GABRB1: variants seen among roughly 807,000 people sequenced by gnomAD.
The protein encoded by GABRB1 is gamma-aminobutyric acid type A receptor subunit beta1.
A neutral mutation model predicts 51.6 loss-of-function variants in GABRB1; 17 were observed. The observed-to-expected ratio is 0.33, with a 90% confidence interval of 0.23 to 0.49. The LOEUF is 0.49. Among genes scored for constraint, GABRB1 ranks in the 20% least tolerant of loss-of-function variants. The pLI, the probability that GABRB1 is intolerant of heterozygous loss-of-function variation, is 0.99. For missense variants in GABRB1, 410 were observed against 600.6 expected (o/e 0.68, Z 3.32); for synonymous variants, 247 against 218.9 (o/e 1.13, Z -1.14).
At chr4:47,417,278 T>G (rs575987182) in intron 8 of GABRB1, among the ~76,000 whole-genome samples, 1 of 151,910 alleles carries the variant, frequency 6.6e-6, no homozygotes, top group African/African-American at 2.4e-5. Flanking sequence ...TTGTTTTTTG[T>G]TTTTTTCCTT....
At chr4:47,032,707 A>AT in intron 3 of GABRB1, 2 of 709,224 alleles carry the variant, frequency 2.8e-6, no homozygotes, top group Non-Finnish European at 2.6e-6. Context: ...GCTCGGCACT[A>AT]TTTTGGGAAG....
chr4:47,234,223 C>T (rs1034502307), intron 4 of GABRB1, among the ~76,000 whole-genome samples: 3 of 152,168 alleles, frequency 2.0e-5, no homozygotes, highest in African/African-American at 7.2e-5. Context: ...TGCAGTGGCT[C>T]ACACCTGTAA....
chr4:47,109,082 T>C (rs1715108809), intron 3 of GABRB1, among the ~76,000 whole-genome samples: 1 of 152,070 alleles, frequency 6.6e-6, no homozygotes, highest in African/African-American at 2.4e-5. Flanking sequence ...ACAAGTCTGA[T>C]ATGTTTTGGG....
chr4:47,185,521 A>G (rs1410798326), intron 4 of GABRB1, among the ~76,000 whole-genome samples: 1 of 151,818 alleles, frequency 6.6e-6, no homozygotes, highest in East Asian at 1.9e-4. Flanking sequence ...ACTTCCTGAC[A>G]TATGATATAT....
chr4:47,345,228 C>T (rs1345783405), intron 5 of GABRB1, among the ~76,000 whole-genome samples: 1 of 152,116 alleles, frequency 6.6e-6, no homozygotes, highest in African/African-American at 2.4e-5. Flanking sequence ...TCAACAAGTA[C>T]TTATAGGCTG....
At chr4:47,344,563 A>G (rs1038021565) in intron 5 of GABRB1, among the ~76,000 whole-genome samples, 8 of 152,184 alleles carry the variant, frequency 5.3e-5, no homozygotes, top group African/African-American at 7.2e-5. Context: ...TCTTTTTTAC[A>G]TGACCACCTA....
At chr4:47,300,121 A>G (rs1021093057) in intron 4 of GABRB1, among the ~76,000 whole-genome samples, 11 of 150,930 alleles carry the variant, frequency 7.3e-5, no homozygotes, top group Non-Finnish European at 1.2e-4. Context: ...GGATAGCATT[A>G]GGAGATATAC....
intron 1 of GABRB1, among the ~76,000 whole-genome samples, chr4:47,014,242 G>C (rs13139454): frequency 0.21 from 31,644 of 151,982 alleles, 4,281 homozygotes; most frequent in Middle Eastern, 0.36. Context: ...AATTTCCATA[G>C]TTTCATGATA....
At chr4:47,260,987 C>A (rs1722409985) in intron 4 of GABRB1, among the ~76,000 whole-genome samples, 1 of 152,150 alleles carries the variant, frequency 6.6e-6, no homozygotes, top group African/African-American at 2.4e-5. Context: ...AGGCCTTTGA[C>A]AAAATTCAAC....
At chr4:47,231,280 G>T (rs565936891) in intron 4 of GABRB1, among the ~76,000 whole-genome samples, 84 of 152,320 alleles carry the variant, frequency 5.5e-4, no homozygotes, top group African/African-American at 1.9e-3. Flanking sequence ...AGAGAATCAT[G>T]GTTGTCAGCA....
chr4:47,065,126 T>A (rs1477616775), intron 3 of GABRB1, among the ~76,000 whole-genome samples: 1 of 152,180 alleles, frequency 6.6e-6, no homozygotes, highest in East Asian at 1.9e-4. Context: ...TTGAATGCCG[T>A]TCCCATGGTT....
rs748097369 is a variant in GABRB1 at position 47,425,857 on chromosome 4, G to A, written c.1264G>A (p.Gly422Arg). 7 of 1,613,964 alleles carry A rather than the reference G, an allele frequency of 4.3e-6. No individual in the cohort carries two copies. The highest frequency in any genetic ancestry group is 2.7e-5 in the African/African-American group (2 of 74,938). ...CTACGGGCGCGCCCTGGACCGGCAC[G>A]GGGTACCCAGCAAGGGGCGCATCCG... ...EAYGRALDRH[G>R]VPSKGRIRRR... is the part of the protein sequence containing the mutation. Residue 422 changes from glycine (G) to arginine (R), a missense_variant, in exon 9 of 9, where the codon GGG (glycine) becomes AGG (arginine). Coordinates refer to ENST00000295454, the MANE Select transcript of GABRB1 (RefSeq NM_000812.4).
Position 47,406,618 on chromosome 4 carries a change from T to A in GABRB1, c.836-64T>A, listed in dbSNP as rs541045568. 9.4e-5 allele frequency: 150 copies of A among 1,601,534 alleles called. 2 individuals carry two copies. The South Asian group carries it at 1.6e-3, about 17-fold the overall frequency. Reference sequence around the variant, plus strand: ...GAAGTGGCAAATGGCATCTGTCCTCTCAATCTTGAAAAAGGAACTTAATAG... The same window carrying A: ...GAAGTGGCAAATGGCATCTGTCCTCACAATCTTGAAAAAGGAACTTAATAG... On this transcript the variant is annotated intron_variant, in intron 7 of 8. Coordinates refer to ENST00000295454, the MANE Select transcript of GABRB1 (RefSeq NM_000812.4).
chr4:47,212,826 G>T (rs1027869811), intron 4 of GABRB1, among the ~76,000 whole-genome samples: 2 of 152,076 alleles, frequency 1.3e-5, no homozygotes, highest in East Asian at 3.9e-4. Context: ...CCCCAATCCT[G>T]TCCCCAATAT....
intron 4 of GABRB1, among the ~76,000 whole-genome samples, chr4:47,298,041 C>T (rs936469170): frequency 3.9e-4 from 60 of 152,274 alleles, no homozygotes; most frequent in East Asian, 7.7e-4. Flanking sequence ...AATTCAACAA[C>T]GCTTCATGCT....
intron 4 of GABRB1, among the ~76,000 whole-genome samples, chr4:47,231,938 A>G (rs1721157775): frequency 1.3e-5 from 2 of 152,204 alleles, no homozygotes; most frequent in Admixed American, 1.3e-4. Context: ...AAAATATTGT[A>G]TCCAAGTAGC....
At chr4:47,180,861 T>A (rs1260282544) in intron 4 of GABRB1, among the ~76,000 whole-genome samples, 1 of 152,046 alleles carries the variant, frequency 6.6e-6, no homozygotes, top group Non-Finnish European at 1.5e-5. Flanking sequence ...ACAGATAACT[T>A]TGGCAGTTCA....
intron 4 of GABRB1, among the ~76,000 whole-genome samples, chr4:47,298,898 C>T (rs373155332): frequency 2.0e-5 from 3 of 151,488 alleles, no homozygotes; most frequent in Non-Finnish European, 2.9e-5. Flanking sequence ...GAGATATAGA[C>T]CAATGGAACA....
intron 4 of GABRB1, among the ~76,000 whole-genome samples, chr4:47,297,838 A>T (rs1302397129): frequency 1.3e-5 from 2 of 152,130 alleles, no homozygotes; most frequent in Non-Finnish European, 2.9e-5. Flanking sequence ...TCCTTGATGA[A>T]TATTGATGCA....
Sources: allele counts gnomAD v4.1 joint callset (sites outside exome capture counted in the v4.1 genomes callset), GRCh38; gene constraint gnomAD v4.1.1; transcripts MANE v1.5; gene names NCBI Gene and HGNC (gene_info 2026-07-23, HGNC 2026-07-21).